Variants in KLKB1 observed in about 807,000 individuals in gnomAD.
KLKB1 encodes plasma kallikrein.
KLKB1 carries 58 observed loss-of-function variants against 73.6 expected under a neutral mutation model. The observed-to-expected ratio is 0.79, with a 90% CI of 0.64 to 0.98. The LOEUF is 0.98. Ranked by LOEUF, KLKB1 falls within the 50% of genes least tolerant of loss-of-function variation. KLKB1 has a pLI of 0.00. For missense variants in KLKB1, 737 were observed against 763.8 expected, an observed-to-expected ratio of 0.96 and a Z score of 0.41; for synonymous variants, 280 against 258.1, an observed-to-expected ratio of 1.08 and a Z score of -0.81.
chr4:186,244,730 T>G (rs1334629126), intron 6 of KLKB1, among the ~76,000 whole-genome samples: 1 of 152,202 alleles, frequency 6.6e-6, no homozygotes, highest in Admixed American at 6.5e-5. Context: ...CCTGTAAGGC[T>G]TGTCCGGTTT....
chr4:186,251,455 C>T, intron 8 of KLKB1, 32 bp from the exon 9 acceptor site: 1 of 1,606,470 alleles, frequency 6.2e-7, no homozygotes, highest in Non-Finnish European at 8.5e-7. Context: ...CTTTTCCCAT[C>T]TGATATCTTT....
chr4:186,246,958 G>A (rs897121246), intron 6 of KLKB1, among the ~76,000 whole-genome samples: 6 of 152,176 alleles, frequency 3.9e-5, no homozygotes, highest in Non-Finnish European at 8.8e-5. Context: ...AAAATGAAAG[G>A]AATTGAAATT....
At chr4:186,243,090 G>A (rs763905094) in intron 6 of KLKB1, among the ~76,000 whole-genome samples, 1 of 152,122 alleles carries the variant, frequency 6.6e-6, no homozygotes, top group Admixed American at 6.5e-5. Context: ...TCCTGACTCC[G>A]GGTATGTGAG....
At chr4:186,234,204 G>C (rs1180045098) in intron 4 of KLKB1, 146 bp downstream of exon 4, 2 of 694,214 alleles carry the variant, frequency 2.9e-6, no homozygotes, top group Non-Finnish European at 5.2e-6. Flanking sequence ...ACACAAAAGA[G>C]GGACCCATAT....
At chr4:186,253,273 A>T (rs1193525313) in intron 11 of KLKB1, among the ~76,000 whole-genome samples, 2 of 149,760 alleles carry the variant, frequency 1.3e-5, no homozygotes, top group East Asian at 3.9e-4. Context: ...CTCAAAAATA[A>T]ACACACCAAG....
rs1448961957 is a variant in KLKB1, at chr4:186,235,084, G to A, written c.328+1026G>A. Among the ~76,000 whole-genome samples the A allele has an allele frequency of 1.3e-5, 2 of 152,126 alleles. 1 individual carries two copies. Among genetic ancestry groups the A allele is most frequent in the Non-Finnish European group, 2.9e-5 (2 of 68,014 alleles). On this transcript the variant is annotated intron_variant, in intron 4 of 14. Transcript: ENST00000264690. ...GCATTTTAACCAGTTATCAAAGGAT[G>A]GCAATGCCTTCATTATAAATGTGGG...
At chr4:186,254,934 T>C (rs1449047329) in intron 12 of KLKB1, among the ~76,000 whole-genome samples, 171 bp downstream of exon 12, 1 of 152,090 alleles carries the variant, frequency 6.6e-6, no homozygotes, top group Admixed American at 6.6e-5. Flanking sequence ...TGCCGTGAAA[T>C]CTCTTCTACT....
chr4:186,247,362 T>A (rs1274496750), intron 6 of KLKB1, among the ~76,000 whole-genome samples: 2 of 149,586 alleles, frequency 1.3e-5, no homozygotes. Context: ...AGGATTTGGG[T>A]AGGTAGTGGA....
upstream of KLKB1, among the ~76,000 whole-genome samples, chr4:186,222,103 G>A (rs770507727): frequency 8.5e-5 from 13 of 152,256 alleles, no homozygotes; most frequent in South Asian, 4.1e-4. Context: ...TGGTTATCAT[G>A]TGAATGCAAT....
chr4:186,225,582 C>A (rs1478350579), upstream of KLKB1, among the ~76,000 whole-genome samples: 6 of 151,922 alleles, frequency 3.9e-5, no homozygotes, highest in African/African-American at 1.5e-4. Flanking sequence ...CAGGTGCCCA[C>A]CACCACGCCT....
intron 1 of KLKB1, 129 bp from the exon 2 acceptor site, chr4:186,228,066 C>G: frequency 1.5e-6 from 1 of 655,860 alleles, no homozygotes; most frequent in Non-Finnish European, 2.7e-6. Flanking sequence ...CCCTTGTTTT[C>G]TATACCAGTA....
chr4:186,244,483 T>C (rs899125061), intron 6 of KLKB1, among the ~76,000 whole-genome samples: 11 of 152,180 alleles, frequency 7.2e-5, no homozygotes, highest in Admixed American at 2.0e-4. Flanking sequence ...CGAAGCCTTG[T>C]GGCAGTACAG....
intron 8 of KLKB1, 34 bp downstream of exon 8, chr4:186,251,362 G>A (rs1738664391): frequency 2.0e-6 from 3 of 1,523,344 alleles, no homozygotes; most frequent in Non-Finnish European, 2.7e-6. Context: ...TACATAAAAT[G>A]TAACCTATTT....
intron 6 of KLKB1, among the ~76,000 whole-genome samples, chr4:186,248,905 GC>G (rs1241517194): frequency 1.6e-4 from 25 of 152,080 alleles, no homozygotes; most frequent in Admixed American, 1.6e-3. Context: ...GTTTTGATAT[GC>G]ATTTCCCTAA....
intron 6 of KLKB1, among the ~76,000 whole-genome samples, chr4:186,246,501 C>T (rs1580017561): frequency 6.6e-6 from 1 of 152,116 alleles, no homozygotes; most frequent in African/African-American, 2.4e-5. Flanking sequence ...TCGAAAGTGC[C>T]GTTTTCTGGC....
chr4:186,222,401 C>A (rs550054891), upstream of KLKB1, among the ~76,000 whole-genome samples: 1 of 152,156 alleles, frequency 6.6e-6, no homozygotes, highest in Admixed American at 6.5e-5. Flanking sequence ...TGCTTTGGTT[C>A]CTTTCTCTTT....
chr4:186,222,003 A>G (rs1030630299), upstream of KLKB1, among the ~76,000 whole-genome samples: 1 of 152,164 alleles, frequency 6.6e-6, no homozygotes, highest in Non-Finnish European at 1.5e-5. Flanking sequence ...CCCTTTTACC[A>G]TTATATAATG....
chr4:186,251,048 T>G, intron 7 of KLKB1, 171 bp from the exon 8 acceptor site: 6 of 601,552 alleles, frequency 1.0e-5, no homozygotes, highest in Non-Finnish European at 1.8e-5. Flanking sequence ...TGATTTACAT[T>G]TAATCTCTGC....
intron 3 of KLKB1, among the ~76,000 whole-genome samples, chr4:186,233,355 T>A (rs1176719241): frequency 1.3e-5 from 2 of 152,266 alleles, no homozygotes; most frequent in Non-Finnish European, 2.9e-5. Context: ...TCTTTACTCA[T>A]CTTCACTCTA....
Sources: allele counts gnomAD v4.1 joint callset (sites outside exome capture counted in the v4.1 genomes callset), GRCh38; gene constraint gnomAD v4.1.1; transcripts MANE v1.5; gene names NCBI Gene and HGNC (gene_info 2026-07-23, HGNC 2026-07-21).